Variants in AUTS2 observed in about 807,000 individuals in gnomAD.
AUTS2 encodes the protein autism susceptibility gene 2 protein.
A neutral mutation model predicts 112.4 loss-of-function variants in AUTS2; 17 were observed. The ratio of observed to expected loss-of-function variants is 0.15; its 90% CI spans 0.10 to 0.23. The LOEUF (loss-of-function observed/expected upper bound fraction) is 0.23. AUTS2 is among the 10% of genes least tolerant of loss of function. The probability of loss-of-function intolerance (pLI) is 1.00; values close to 1 mark genes in which losing one functional copy is unlikely to be tolerated. For missense variants in AUTS2, 1,510 were observed against 1,701.6 expected (o/e 0.89, Z 1.98); for synonymous variants, 751 against 702.7 (o/e 1.07, Z -1.09).
intron 2 of AUTS2, among the ~76,000 whole-genome samples, chr7:70,060,510 G>T (rs1186377307): frequency 6.6e-6 from 1 of 152,286 alleles, no homozygotes; most frequent in East Asian, 1.9e-4. Flanking sequence ...AAGGGAGGGG[G>T]ATGTTAAGAC....
chr7:69,958,589 G>T (rs572420202), intron 2 of AUTS2, among the ~76,000 whole-genome samples: 2 of 152,220 alleles, frequency 1.3e-5, no homozygotes, highest in Non-Finnish European at 2.9e-5. Context: ...GAGACAAAGG[G>T]CTAGGAGTCC....
At chr7:70,785,931 C>T (rs781520494) in intron 16 of AUTS2, 24 bp from the exon 17 acceptor site, 2 of 1,612,098 alleles carry the variant, frequency 1.2e-6, no homozygotes, top group Admixed American at 3.3e-5. Flanking sequence ...CTGACCATTT[C>T]CTTCTTCCCC....
chr7:69,759,817 C>G lies in AUTS2; in HGVS notation c.310-139469C>G, dbSNP rs62457236. Among the ~76,000 whole-genome samples, 1,058 of 117,082 alleles carry G rather than the reference C, an allele frequency of 9.0e-3. 12 individuals carry two copies. The highest frequency in any genetic ancestry group is 0.012 in the Non-Finnish European group (750 of 60,726). 76.8% of individuals were successfully genotyped at this position (117,082 alleles called of 152,430 possible). ...ATAAAGGACTCATTTCAAAGATGGG[C>G]GAACCTGGAAGCTGAACCTGACTCT... On this transcript the variant is annotated intron_variant, in intron 1 of 18. Coordinates refer to ENST00000342771, the MANE Select transcript of AUTS2 (RefSeq NM_015570.4).
At chr7:70,050,832 T>A (rs1015073152) in intron 2 of AUTS2, among the ~76,000 whole-genome samples, 1 of 152,076 alleles carries the variant, frequency 6.6e-6, no homozygotes, top group African/African-American at 2.4e-5. Flanking sequence ...CCACCTCTAC[T>A]AAAAATACAA....
intron 1 of AUTS2, among the ~76,000 whole-genome samples, chr7:69,893,808 A>G (rs1325059370): frequency 1.3e-5 from 2 of 152,200 alleles, no homozygotes; most frequent in African/African-American, 2.4e-5. Flanking sequence ...GGAGCCCTGC[A>G]GCTTACATAG....
intron 1 of AUTS2, among the ~76,000 whole-genome samples, chr7:69,610,321 C>T (rs1393149098): frequency 6.6e-6 from 1 of 152,210 alleles, no homozygotes; most frequent in Non-Finnish European, 1.5e-5. Context: ...GAGGCTCTGC[C>T]TCCCATTTAA....
intron 4 of AUTS2, among the ~76,000 whole-genome samples, chr7:70,140,910 A>G (rs1806827881): frequency 6.6e-6 from 1 of 152,206 alleles, no homozygotes; most frequent in African/African-American, 2.4e-5. Flanking sequence ...TATGACTTAA[A>G]TATCTACTCT....
chr7:70,138,676 C>G (rs1259729279), intron 4 of AUTS2, among the ~76,000 whole-genome samples: 4 of 152,150 alleles, frequency 2.6e-5, no homozygotes, highest in Non-Finnish European at 5.9e-5. Flanking sequence ...TCAGGGAAAA[C>G]AACTCACTTC....
chr7:70,010,400 C>T (rs927324153), intron 2 of AUTS2, among the ~76,000 whole-genome samples: 2 of 152,176 alleles, frequency 1.3e-5, no homozygotes, highest in Admixed American at 1.3e-4. Flanking sequence ...CCTGCTTCGG[C>T]CTCCCAAAGT....
intron 5 of AUTS2, among the ~76,000 whole-genome samples, chr7:70,654,442 A>T (rs1468380): frequency 0.32 from 49,403 of 152,112 alleles, 8,825 homozygotes; most frequent in Non-Finnish European, 0.41. Context: ...ATTGGGCTTA[A>T]TGAGCTGCTC....
At chr7:70,162,363 A>G (rs61374035) in intron 4 of AUTS2, among the ~76,000 whole-genome samples, 42,858 of 138,230 alleles carry the variant, frequency 0.31, 6,640 homozygotes, top group Middle Eastern at 0.4. Context: ...GGAGAATGGC[A>G]TGAACCCGGG....
Position 70,012,916 on chromosome 7 carries a change from G to C in AUTS2, c.523-105216G>C, listed in dbSNP as rs548391329. 2.6e-5 allele frequency among the ~76,000 whole-genome samples: 4 copies of C among 152,312 alleles called. No individual in the cohort carries two copies. The South Asian group carries it at 8.3e-4, about 32-fold the overall frequency. ...GAGTTTGGGTTGTAGAGAAATAAGTGCTCATGAATAGGACCGCATATGTGT... is the reference window on the plus strand; with the variant it reads ...GAGTTTGGGTTGTAGAGAAATAAGTCCTCATGAATAGGACCGCATATGTGT... On this transcript the variant is annotated intron_variant, in intron 2 of 18. Coordinates refer to ENST00000342771, the MANE Select transcript of AUTS2 (RefSeq NM_015570.4).
intron 2 of AUTS2, among the ~76,000 whole-genome samples, chr7:69,913,411 T>C (rs560362617): frequency 1.2e-4 from 18 of 152,218 alleles, no homozygotes; most frequent in Non-Finnish European, 1.9e-4. Flanking sequence ...CTGGGATATA[T>C]AGTCACTCTG....
chr7:69,624,660 T>A (rs780780106), intron 1 of AUTS2, among the ~76,000 whole-genome samples: 1 of 152,228 alleles, frequency 6.6e-6, no homozygotes, highest in Non-Finnish European at 1.5e-5. Flanking sequence ...GCTCTGTGGA[T>A]GTGAGAGCTG....
chr7:70,006,998 C>T (rs1374730764), intron 2 of AUTS2, among the ~76,000 whole-genome samples: 1 of 152,118 alleles, frequency 6.6e-6, no homozygotes, highest in Admixed American at 6.6e-5. Context: ...CCTAGGTTTT[C>T]GCAAAGCAGA....
At chr7:70,107,998 G>A (rs1159400157) in intron 2 of AUTS2, among the ~76,000 whole-genome samples, 4 of 150,186 alleles carry the variant, frequency 2.7e-5, no homozygotes, top group Non-Finnish European at 4.4e-5. Flanking sequence ...GCGACAGAGC[G>A]AGACTCTGTC....
intron 6 of AUTS2, among the ~76,000 whole-genome samples, chr7:70,761,847 C>T (rs1267234147): frequency 2.0e-5 from 3 of 152,188 alleles, no homozygotes; most frequent in African/African-American, 7.2e-5. Context: ...TGTCCAGCAC[C>T]CCTTTAACTT....
intron 5 of AUTS2, among the ~76,000 whole-genome samples, chr7:70,535,608 T>C (rs1159671298): frequency 6.6e-6 from 1 of 151,968 alleles, no homozygotes; most frequent in East Asian, 1.9e-4. Flanking sequence ...AGAGACGGGG[T>C]TTCACCAGGT....
intron 4 of AUTS2, among the ~76,000 whole-genome samples, chr7:70,428,545 TA>T (rs1304018079): frequency 6.6e-6 from 1 of 152,220 alleles, no homozygotes; most frequent in Non-Finnish European, 1.5e-5. Context: ...CTGGCAAAGT[TA>T]AATTATACTT....
Sources: gnomAD v4.1 joint callset for allele counts (sites outside exome capture counted in the v4.1 genomes callset) on GRCh38, gnomAD v4.1.1 for gene constraint, MANE v1.5 for transcripts, NCBI Gene and HGNC (gene_info 2026-07-23, HGNC 2026-07-21) for gene names.